The following IL2RA variants were observed in gnomAD, a reference collection of about 807,000 sequenced individuals.
The protein encoded by IL2RA is interleukin-2 receptor subunit alpha.
A neutral mutation model predicts 37.8 loss-of-function variants in IL2RA; 24 were observed. That is an observed-to-expected ratio of 0.63 (90% CI 0.46 to 0.89). The LOEUF (loss-of-function observed/expected upper bound fraction) is 0.89. Ranked by LOEUF, IL2RA falls within the 40% of genes least tolerant of loss-of-function variation. IL2RA has a pLI of 0.00. For missense variants in IL2RA, 319 were observed against 348.6 expected (o/e 0.92, Z 0.68); for synonymous variants, 125 against 114.6 (o/e 1.09, Z -0.58).
intron 1 of IL2RA, among the ~76,000 whole-genome samples, chr10:6,042,577 G>T (rs1231875625): frequency 6.6e-6 from 1 of 152,022 alleles, no homozygotes; most frequent in Non-Finnish European, 1.5e-5. Context: ...AAATAAAATT[G>T]TCATTTATAA....
intron 1 of IL2RA, among the ~76,000 whole-genome samples, chr10:6,052,646 C>G (rs1001789281): frequency 5.9e-5 from 9 of 152,302 alleles, no homozygotes; most frequent in East Asian, 1.9e-4. Context: ...AACGCGCCCC[C>G]CCTCACGCCT....
Position 6,018,124 on chromosome 10 carries a change from C to A in IL2RA, c.728-5G>T. 1.9e-6 allele frequency: 3 copies of A among 1,613,544 alleles called. No individual in the cohort carries two copies. The highest frequency in any genetic ancestry group is 1.7e-6 in the Non-Finnish European group (2 of 1,179,624). ...GCAGGAAAACACAGCCGGCCACTGT[C>A]AATAGAGAGAGGGAGTTCAGCAAAG... On this transcript the variant is annotated splice_polypyrimidine_tract_variant and splice_region_variant and intron_variant, in intron 6 of 7. Coordinates refer to ENST00000379959, the MANE Select transcript of IL2RA (RefSeq NM_000417.3). The surrounding 1 kb of genome is among the most constrained non-coding windows in gnomAD (Gnocchi z 5.1).
At chr10:6,049,680 C>G (rs12722503) in intron 1 of IL2RA, among the ~76,000 whole-genome samples, 1 of 152,142 alleles carries the variant, frequency 6.6e-6, no homozygotes, top group South Asian at 2.1e-4. Context: ...TTTCTTTACA[C>G]GGCACTCACC....
At chr10:6,019,004 C>T (rs1839327930) in intron 6 of IL2RA, among the ~76,000 whole-genome samples, 2 of 152,070 alleles carry the variant, frequency 1.3e-5, no homozygotes, top group African/African-American at 4.8e-5. Flanking sequence ...ATCTACCACC[C>T]TAACAACCAA....
chr10:6,013,678 C>T (rs1014528915), intron 7 of IL2RA, among the ~76,000 whole-genome samples: 3 of 152,164 alleles, frequency 2.0e-5, no homozygotes, highest in Non-Finnish European at 4.4e-5. Context: ...CACCGTCAAA[C>T]GGTATTTCCA....
chr10:6,051,832 T>TAGAGAGAGAG (rs201993857), intron 1 of IL2RA, among the ~76,000 whole-genome samples: 6 of 113,664 alleles, frequency 5.3e-5, no homozygotes, highest in Admixed American at 1.9e-4. Flanking sequence ...TATATATATA[T>TAGAGAGAGAG]ATATATATAT....
rs988906704 is a variant in IL2RA, at chr10:6,014,548, C to T, written c.795-1652G>A. 1.1e-4 allele frequency among the ~76,000 whole-genome samples: 16 copies of T among 152,110 alleles called. No homozygotes were observed. Among genetic ancestry groups the T allele is most frequent in the Non-Finnish European group, 1.5e-4 (10 of 68,024 alleles). ...TCCAAATAGCTTTGTCCTCTGGGCC[C>T]GAAGGCTTTTGATCTTCAAACTAAC... is the stretch of plus-strand genomic sequence containing the variant. On this transcript the variant is annotated intron_variant, in intron 7 of 7. Transcript: ENST00000379959. The surrounding 1 kb of genome is among the most constrained non-coding windows in gnomAD (Gnocchi z 4.4).
In IL2RA at chr10:6,028,911, A is replaced by C. The variant is rs1485237869; in HGVS notation, c.65-2886T>G. 6.7e-6 allele frequency among the ~76,000 whole-genome samples: 1 copy of C among 150,180 alleles called. No individual in the cohort carries two copies. The highest frequency in any genetic ancestry group is 1.5e-5 in the Non-Finnish European group (1 of 67,634). On this transcript the variant is annotated intron_variant, in intron 1 of 7. Coordinates refer to ENST00000379959, the MANE Select transcript of IL2RA (RefSeq NM_000417.3). The surrounding 1 kb of genome is among the most constrained non-coding windows in gnomAD (Gnocchi z 4.1). ...GTACTTGGGAGGCTGAGGCAGGAGA[A>C]TTGCTTGAGCCTGGGAGGTGGAGGT...
rs1839636100 is a variant in IL2RA, at chr10:6,033,621, G to T, written c.65-7596C>A. Among the ~76,000 whole-genome samples the T allele has an allele frequency of 6.6e-6, 1 of 152,064 alleles. No individual in the cohort carries two copies. ...AAACCATTCAAAAATAAAAAATAAT[G>T]AACTATTGATACAGGCAATATTGAT... On this transcript the variant is annotated intron_variant, in intron 1 of 7. Coordinates refer to ENST00000379959, the MANE Select transcript of IL2RA (RefSeq NM_000417.3). This position sits in a 1 kb window ranked among gnomAD's most constrained non-coding sequence, Gnocchi z 4.3.
At chr10:6,059,197 A>T (rs1354350762) in intron 1 of IL2RA, among the ~76,000 whole-genome samples, 1 of 152,142 alleles carries the variant, frequency 6.6e-6, no homozygotes, top group Non-Finnish European at 1.5e-5. Flanking sequence ...TGATTGGACT[A>T]TTTTAAGAGC....
intron 3 of IL2RA, 87 bp downstream of exon 3, chr10:6,024,157 G>T: frequency 2.3e-6 from 2 of 868,830 alleles, no homozygotes; most frequent in South Asian, 2.7e-5. Context: ...AGGCAGGGCA[G>T]ACCTTCTTCC....
At position 6,062,056 on chromosome 10, in the gene IL2RA, C is replaced by T. The variant is rs772942858; in HGVS notation, c.64+32G>A. 3 of 1,596,398 alleles carry T rather than the reference C, an allele frequency of 1.9e-6. No homozygotes were observed. In the Admixed American group the frequency reaches 5.0e-5, roughly 27 times the overall value. The stretch of plus-strand genomic sequence containing the variant: ...GGAAGAGGGATGCCCATCAGCCTTC[C>T]CGGAATTCCGGGGGCACCCACAGGC... On this transcript the variant is annotated intron_variant, in intron 1 of 7. Transcript: ENST00000379959.
intron 1 of IL2RA, among the ~76,000 whole-genome samples, chr10:6,034,193 G>A (rs540144373): frequency 5.7e-4 from 87 of 152,330 alleles, no homozygotes; most frequent in Admixed American, 1.6e-3. Context: ...GCGGGGACAA[G>A]GGGAAGTTCC....
rs557777933 is a variant in IL2RA at position 6,053,041 on chromosome 10, C to T, written c.64+9047G>A. ...GAGTGCCACGCGGCTCTGTGGGTAC[C>T]GCCTCACTGCATGTACCTGGGGCTG... is the stretch of plus-strand genomic sequence containing the variant. On this transcript the variant is annotated intron_variant, in intron 1 of 7. Transcript: ENST00000379959. 2.6e-4 allele frequency among the ~76,000 whole-genome samples: 40 copies of T among 152,286 alleles called. No homozygotes were observed. In the East Asian group the frequency reaches 6.9e-3, roughly 26 times the overall value.
intron 1 of IL2RA, among the ~76,000 whole-genome samples, chr10:6,055,080 A>G (rs1271179033): frequency 1.3e-5 from 2 of 152,188 alleles, no homozygotes; most frequent in African/African-American, 4.8e-5. Flanking sequence ...GTTACTCAAA[A>G]TGGGGTTCAT....
At chr10:6,027,459 T>A (rs1012884663) in intron 1 of IL2RA, among the ~76,000 whole-genome samples, 5 of 152,134 alleles carry the variant, frequency 3.3e-5, no homozygotes, top group Non-Finnish European at 7.3e-5. Flanking sequence ...AAGTGCTCAA[T>A]AAATGCTGGT....
chr10:6,019,528 C>G (rs757445147), intron 5 of IL2RA, 29 bp from the exon 6 acceptor site: 3 of 1,537,300 alleles, frequency 2.0e-6, no homozygotes, highest in Non-Finnish European at 2.7e-6. Flanking sequence ...GAGAGACACT[C>G]CTGCTACCGT....
At chr10:6,038,716 G>A (rs1187306342) in intron 1 of IL2RA, among the ~76,000 whole-genome samples, 2 of 152,204 alleles carry the variant, frequency 1.3e-5, no homozygotes, top group Admixed American at 1.3e-4. Context: ...TGTAGAAAAG[G>A]TTTGTGGAGG....
At position 6,033,284 on chromosome 10, in the gene IL2RA, CTG is replaced by C. The variant is rs1428932232; in HGVS notation, c.65-7261_65-7260del. On this transcript the variant is annotated intron_variant, in intron 1 of 7. Transcript: ENST00000379959. This position sits in a 1 kb window ranked among gnomAD's most constrained non-coding sequence, Gnocchi z 4.3. ...CCAGCCTGGGCAACAGAGTGAGACTCTGTCTCAAAAACAAACAAAGAAACAAA... is the reference window on the plus strand; with the variant it reads ...CCAGCCTGGGCAACAGAGTGAGACTCTCTCAAAAACAAACAAAGAAACAAA... Among the ~76,000 whole-genome samples the C allele has an allele frequency of 2.0e-5, 3 of 151,794 alleles. No homozygotes were observed. The highest frequency in any genetic ancestry group is 7.3e-5 in the African/African-American group (3 of 41,302).
Sources: allele counts gnomAD v4.1 joint callset (sites outside exome capture counted in the v4.1 genomes callset), GRCh38; gene constraint gnomAD v4.1.1; non-coding constraint Gnocchi (gnomAD v3.1); transcripts MANE v1.5; gene names NCBI Gene and HGNC (gene_info 2026-07-23, HGNC 2026-07-21).